Variants in CD53 observed in about 807,000 individuals in gnomAD.
CD53 encodes CD53 molecule, also known as leukocyte surface antigen CD53.
In CD53, 20 loss-of-function variants were observed where a neutral mutation model predicts 27.3. The ratio of observed to expected loss-of-function variants is 0.73; its 90% CI spans 0.52 to 1.07. The LOEUF is 1.07. Ranked by LOEUF, CD53 falls within the 50% of genes least tolerant of loss-of-function variation. The probability of loss-of-function intolerance (pLI) is 0.00; values close to 1 mark genes in which losing one functional copy is unlikely to be tolerated. For missense variants in CD53, 216 were observed against 264.0 expected (o/e 0.82, Z 1.26); for synonymous variants, 106 against 105.3 (o/e 1.01, Z -0.04).
At chr1:110,892,160 A>G (rs893943913) in intron 2 of CD53, among the ~76,000 whole-genome samples, 185 bp from the exon 3 acceptor site, 3 of 152,220 alleles carry the variant, frequency 2.0e-5, no homozygotes, top group Admixed American at 2.0e-4. Context: ...GTAGGTCTCC[A>G]CATGAGAAAG....
intron 3 of CD53, among the ~76,000 whole-genome samples, chr1:110,893,592 G>T (rs956364864): frequency 6.6e-6 from 1 of 152,238 alleles, no homozygotes; most frequent in African/African-American, 2.4e-5. Context: ...AAAGTGTTGG[G>T]ATTATAGGCG....
rs921294172 is a variant in CD53 at position 110,899,313 on chromosome 1, T to C, written c.*118T>C. ...ATCCTCCTCCCATCCTTTCCCTTTT[T>C]AGGTCCCTGTCTTATACAACCAGAG... is the stretch of plus-strand genomic sequence containing the variant. On this transcript the variant is annotated 3_prime_UTR_variant, in exon 8 of 8. Transcript: ENST00000271324. 5 of 698,568 alleles carry C rather than the reference T, an allele frequency of 7.2e-6. No individual in the cohort carries two copies. Among genetic ancestry groups the C allele is most frequent in the Non-Finnish European group, 1.2e-5 (5 of 404,764 alleles). The allele number at this position is 698,568 out of a possible 1,614,324, so 43.3% of individuals were successfully genotyped here.
chr1:110,898,956 T>G (rs978288917), intron 7 of CD53, among the ~76,000 whole-genome samples, 168 bp from the exon 8 acceptor site: 1 of 152,212 alleles, frequency 6.6e-6, no homozygotes, highest in African/African-American at 2.4e-5. Context: ...TCCTCACTGC[T>G]ATTCTTTAAC....
Position 110,886,869 on chromosome 1 carries a change from A to ATATATTTTTT in CD53, c.-17-4522_-17-4521insATATTTTTTT, listed in dbSNP as rs1298376721. 7.8e-3 allele frequency among the ~76,000 whole-genome samples: 647 copies of ATATATTTTTT among 82,698 alleles called. 7 individuals carry two copies. The highest frequency in any genetic ancestry group is 0.023 in the Admixed American group (164 of 7,154). 54.3% of individuals were successfully genotyped at this position (82,698 alleles called of 152,430 possible). A position where few individuals can be genotyped will look rare whatever the true frequency, so the allele number is the denominator to read the frequency against. On this transcript the variant is annotated intron_variant, in intron 1 of 7. Coordinates refer to ENST00000271324, the MANE Select transcript of CD53 (RefSeq NM_000560.4). ...CCAATATATATATATATATATATAT[A>ATATATTTTTT]TTTTTTTTTTCTGTCTGTGTTTCTT...
At chr1:110,896,201 A>G (rs1177232764) in intron 5 of CD53, among the ~76,000 whole-genome samples, 1 of 152,156 alleles carries the variant, frequency 6.6e-6, no homozygotes, top group Non-Finnish European at 1.5e-5. Context: ...GGTATCAGGG[A>G]GTCTCTGTCT....
At chr1:110,888,517 C>G (rs1180011789) in intron 1 of CD53, among the ~76,000 whole-genome samples, 1 of 152,138 alleles carries the variant, frequency 6.6e-6, no homozygotes, top group Non-Finnish European at 1.5e-5. Flanking sequence ...GTTTTGCAGA[C>G]CATTATTTTA....
At chr1:110,874,388 G>A (rs746430322) in intron 1 of CD53, among the ~76,000 whole-genome samples, 3 of 152,206 alleles carry the variant, frequency 2.0e-5, no homozygotes, top group Non-Finnish European at 4.4e-5. Flanking sequence ...TGGGAATTGT[G>A]GGGGAGGGAG....
intron 1 of CD53, among the ~76,000 whole-genome samples, chr1:110,886,869 A>ATATATATATATATTTTTTTTT (rs1298376721): frequency 3.6e-5 from 3 of 82,800 alleles, no homozygotes; most frequent in African/African-American, 5.3e-5. Context: ...ATATATATAT[A>ATATATATATATATTTTTTTTT]TTTTTTTTTT....
At chr1:110,889,360 G>A (rs1656755167) in intron 1 of CD53, among the ~76,000 whole-genome samples, 1 of 151,778 alleles carries the variant, frequency 6.6e-6, no homozygotes, top group East Asian at 1.9e-4. Flanking sequence ...TTCGAGATCA[G>A]CCTGGCCAAC....
intron 5 of CD53, among the ~76,000 whole-genome samples, 168 bp from the exon 6 acceptor site, chr1:110,896,485 A>G (rs1038506519): frequency 6.6e-6 from 1 of 152,212 alleles, no homozygotes; most frequent in East Asian, 1.9e-4. Flanking sequence ...ATGAAATGGT[A>G]TAACAGATTA....
chr1:110,875,415 G>T (rs1656088067), intron 1 of CD53, among the ~76,000 whole-genome samples: 2 of 152,130 alleles, frequency 1.3e-5, no homozygotes, highest in African/African-American at 4.8e-5. Context: ...GGGAGAAGAG[G>T]CAGGTTTTTG....
At chr1:110,886,869 A>ATATATATATATATATATATTTTTT (rs1298376721) in intron 1 of CD53, among the ~76,000 whole-genome samples, 2 of 82,784 alleles carry the variant, frequency 2.4e-5, no homozygotes, top group Non-Finnish European at 4.5e-5. Context: ...ATATATATAT[A>ATATATATATATATATATATTTTTT]TTTTTTTTTT....
intron 1 of CD53, among the ~76,000 whole-genome samples, chr1:110,877,966 C>T (rs1656191951): frequency 6.6e-6 from 1 of 152,116 alleles, no homozygotes; most frequent in Admixed American, 6.6e-5. Context: ...ACACATTGCA[C>T]CAAATGAGTT....
intron 3 of CD53, 154 bp downstream of exon 3, chr1:110,892,687 G>A (rs1656905566): frequency 6.1e-6 from 4 of 656,662 alleles, no homozygotes; most frequent in African/African-American, 5.4e-5. Context: ...CAGACCAATA[G>A]TATATTATGT....
chr1:110,882,836 A>G (rs1189534614), intron 1 of CD53, among the ~76,000 whole-genome samples: 2 of 152,042 alleles, frequency 1.3e-5, no homozygotes, highest in African/African-American at 4.8e-5. Flanking sequence ...TGTAAATGAT[A>G]CTTTTAAAAA....
intron 1 of CD53, among the ~76,000 whole-genome samples, chr1:110,882,482 GA>G (rs879420633): frequency 2.6e-5 from 4 of 151,810 alleles, no homozygotes; most frequent in Non-Finnish European, 5.9e-5. Flanking sequence ...TAGTTTTATA[GA>G]AAGCAATATA....
chr1:110,890,794 G>A (rs1157583016), intron 1 of CD53, among the ~76,000 whole-genome samples: 3 of 152,120 alleles, frequency 2.0e-5, no homozygotes, highest in Non-Finnish European at 4.4e-5. Flanking sequence ...TAAGACTGTT[G>A]TCTTCTGGAG....
intron 1 of CD53, among the ~76,000 whole-genome samples, chr1:110,882,713 T>C (rs1656407283): frequency 6.6e-6 from 1 of 152,060 alleles, no homozygotes; most frequent in African/African-American, 2.4e-5. Flanking sequence ...TATCTCTCCA[T>C]TATTTGCATC....
intron 6 of CD53, 87 bp downstream of exon 6, chr1:110,896,820 C>T: frequency 8.9e-7 from 1 of 1,121,598 alleles, no homozygotes; most frequent in Non-Finnish European, 1.3e-6. Context: ...AGGACCTAGA[C>T]CTTCTATTGA....
Sources: gnomAD v4.1 joint callset for allele counts (sites outside exome capture counted in the v4.1 genomes callset) on GRCh38, gnomAD v4.1.1 for gene constraint, MANE v1.5 for transcripts, NCBI Gene and HGNC (gene_info 2026-07-23, HGNC 2026-07-21) for gene names.